RNF216: variants seen among roughly 807,000 people sequenced by gnomAD.
RNF216 encodes the protein E3 ubiquitin-protein ligase RNF216.
Under a neutral mutation model 110.8 loss-of-function variants are expected in RNF216, and 72 were observed. The ratio of observed to expected loss-of-function variants is 0.65; its 90% CI spans 0.54 to 0.79. The LOEUF (loss-of-function observed/expected upper bound fraction) is 0.79. RNF216 is among the 30% of genes least tolerant of loss of function. The pLI is 0.00. For missense variants in RNF216, 1,342 were observed against 1,141.2 expected, an observed-to-expected ratio of 1.18 and a Z score of -2.54; for synonymous variants, 495 against 407.5, an observed-to-expected ratio of 1.21 and a Z score of -2.59.
intron 7 of RNF216, among the ~76,000 whole-genome samples, chr7:5,726,709 A>G (rs551639259): frequency 6.6e-5 from 10 of 152,166 alleles, no homozygotes; most frequent in Non-Finnish European, 1.2e-4. Context: ...AATACAAAAA[A>G]TTAGCTGGAC....
chr7:5,649,998 T>A (rs532807398), intron 14 of RNF216: 12 of 152,350 alleles, frequency 7.9e-5, no homozygotes, highest in African/African-American at 2.9e-4. Context: ...AGATAGAACC[T>A]GGTGAACAGG....
At chr7:5,644,068 CAT>C in intron 14 of RNF216, among the ~76,000 whole-genome samples, 1 of 152,118 alleles carries the variant, frequency 6.6e-6, no homozygotes, top group East Asian at 1.9e-4. Context: ...ATGAATATAT[CAT>C]ATTAGTTTAT....
chr7:5,734,138 C>T (rs1349410757), intron 5 of RNF216, among the ~76,000 whole-genome samples: 2 of 152,042 alleles, frequency 1.3e-5, no homozygotes, highest in African/African-American at 4.8e-5. Context: ...GGGTGTGGGG[C>T]AAGTAGAGTT....
intron 15 of RNF216, among the ~76,000 whole-genome samples, chr7:5,631,656 T>C (rs1360164256): frequency 6.7e-6 from 1 of 149,060 alleles, no homozygotes; most frequent in African/African-American, 2.6e-5. Context: ...AGGGATTTGG[T>C]TCTCATCAAC....
At chr7:5,736,310 T>C (rs902336650) in intron 5 of RNF216, among the ~76,000 whole-genome samples, 1 of 152,026 alleles carries the variant, frequency 6.6e-6, no homozygotes, top group Non-Finnish European at 1.5e-5. Flanking sequence ...TTGGTGGAGA[T>C]GGGGTTTCGC....
At chr7:5,730,134 G>C (rs529906513) in intron 6 of RNF216, among the ~76,000 whole-genome samples, 1 of 152,318 alleles carries the variant, frequency 6.6e-6, no homozygotes, top group East Asian at 1.9e-4. Flanking sequence ...AAAGAAAAAA[G>C]ATATTCCACT....
chr7:5,671,976 T>C (rs940305824), intron 13 of RNF216, among the ~76,000 whole-genome samples: 2 of 152,078 alleles, frequency 1.3e-5, no homozygotes, highest in African/African-American at 4.8e-5. Flanking sequence ...TCCAAAACTG[T>C]AGGAAAACTG....
intron 14 of RNF216, 27 bp downstream of exon 14, chr7:5,652,386 A>G: frequency 6.6e-7 from 1 of 1,512,474 alleles, no homozygotes; most frequent in Non-Finnish European, 9.2e-7. Flanking sequence ...GAATCAGCCC[A>G]TAGCCCCTCT....
chr7:5,672,114 C>T (rs367988200), intron 13 of RNF216, among the ~76,000 whole-genome samples: 3 of 152,326 alleles, frequency 2.0e-5, no homozygotes, highest in East Asian at 3.9e-4. Flanking sequence ...TTTGTGCACA[C>T]GCTGTGCCCT....
Position 5,741,209 on chromosome 7 carries a change from G to A in RNF216, c.808C>T (p.Pro270Ser). 1.9e-6 allele frequency: 3 copies of A among 1,614,138 alleles called. No homozygotes were observed. The highest frequency in any genetic ancestry group is 1.3e-5 in the African/African-American group (1 of 75,032). The change falls in exon 4 of 17, where the codon CCA becomes TCA. Residue 270 changes from proline to serine, a missense_variant. Coordinates refer to ENST00000389902, the MANE Select transcript of RNF216 (RefSeq NM_207111.4). Reference sequence around the variant, plus strand: ...TCCGGCCTTGGAAAAGCGGGCCCTGGGAATTCATGCTGAAACAACAAGCGG... The same window carrying A: ...TCCGGCCTTGGAAAAGCGGGCCCTGAGAATTCATGCTGAAACAACAAGCGG... The part of the protein sequence containing the change: ...LGRLLFQHEF[P>S]GPAFPRPEPQ...
intron 15 of RNF216, among the ~76,000 whole-genome samples, chr7:5,634,081 T>C (rs1284934368): frequency 6.6e-6 from 1 of 152,260 alleles, no homozygotes; most frequent in Admixed American, 6.5e-5. Flanking sequence ...AATAACCATT[T>C]GAGCGCTTGG....
intron 13 of RNF216, among the ~76,000 whole-genome samples, chr7:5,674,052 C>T (rs377162857): frequency 2.9e-4 from 43 of 150,810 alleles, no homozygotes; most frequent in East Asian, 9.8e-4. Flanking sequence ...TTTTTTACGA[C>T]GGAGTCTTGC....
chr7:5,723,362 C>T (rs1477738266), intron 8 of RNF216, among the ~76,000 whole-genome samples: 3 of 151,894 alleles, frequency 2.0e-5, no homozygotes, highest in Admixed American at 2.0e-4. Context: ...AAAATAAATG[C>T]AATTGGCCGG....
chr7:5,649,732 C>T (rs1480309449), intron 14 of RNF216: 2 of 152,168 alleles, frequency 1.3e-5, no homozygotes, highest in South Asian at 4.1e-4. Flanking sequence ...TTTTACTTCT[C>T]ATTTGGCTTG....
In RNF216 at chr7:5,738,707, CAAAAAAAAAA is replaced by C. The variant is rs71004696; in HGVS notation, c.1121+559_1121+568del. ...TGGGAGACAGAGTGAGACTCCGTCTCAAAAAAAAAAAAAAAAAAAAAAAAATGCTTCCATG... is the reference window on the plus strand; with the variant it reads ...TGGGAGACAGAGTGAGACTCCGTCTCAAAAAAAAAAAAAAATGCTTCCATG... On this transcript the variant is annotated intron_variant, in intron 5 of 16. Coordinates refer to ENST00000389902, the MANE Select transcript of RNF216 (RefSeq NM_207111.4). Among the ~76,000 whole-genome samples the C allele has an allele frequency of 7.1e-5, 5 of 70,126 alleles. No homozygotes were observed. The South Asian group carries it at 3.0e-3, about 42-fold the overall frequency. 46.0% of individuals were successfully genotyped at this position (70,126 alleles called of 152,430 possible).
intron 15 of RNF216, among the ~76,000 whole-genome samples, chr7:5,629,947 T>C (rs184113314): frequency 3.7e-4 from 56 of 152,182 alleles, no homozygotes; most frequent in African/African-American, 1.3e-3. Context: ...AGATGGGGTA[T>C]TGAGTCCATT....
intron 1 of RNF216, among the ~76,000 whole-genome samples, chr7:5,767,586 T>C (rs1471048825): frequency 6.7e-6 from 1 of 149,296 alleles, no homozygotes; most frequent in Non-Finnish European, 1.5e-5. Context: ...TCAGCAAACA[T>C]GTATTGTTGA....
chr7:5,735,041 G>A (rs1320015773), intron 5 of RNF216, among the ~76,000 whole-genome samples: 8 of 151,682 alleles, frequency 5.3e-5, no homozygotes, highest in Non-Finnish European at 1.0e-4. Flanking sequence ...AGCTACTCAG[G>A]AGGCTGAGGC....
chr7:5,715,342 G>C (rs1388397015), intron 10 of RNF216, 152 bp from the exon 11 acceptor site: 4 of 686,572 alleles, frequency 5.8e-6, no homozygotes, highest in South Asian at 1.8e-5. Context: ...ATGCTGTTTC[G>C]TGCTATATAA....
Sources: gnomAD v4.1 joint callset for allele counts (sites outside exome capture counted in the v4.1 genomes callset) on GRCh38, gnomAD v4.1.1 for gene constraint, MANE v1.5 for transcripts, NCBI Gene and HGNC (gene_info 2026-07-23, HGNC 2026-07-21) for gene names.